Variants in APBA1 observed in about 807,000 individuals in gnomAD.
APBA1 encodes the protein amyloid beta precursor protein binding family A member 1.
APBA1 carries 55 observed loss-of-function variants against 86.6 expected under a neutral mutation model. The observed-to-expected ratio is 0.64, with a 90% confidence interval of 0.51 to 0.80. The LOEUF (loss-of-function observed/expected upper bound fraction) is 0.80. APBA1 is among the 30% of genes least tolerant of loss of function. The pLI is 0.00. For synonymous variants in APBA1, 511 were observed against 493.9 expected (o/e 1.03, Z -0.46); for missense variants, 1,090 against 1,183.0 (o/e 0.92, Z 1.15).
At chr9:69,559,520 G>A (rs1008475925) in intron 1 of APBA1, among the ~76,000 whole-genome samples, 1 of 152,156 alleles carries the variant, frequency 6.6e-6, no homozygotes, top group Non-Finnish European at 1.5e-5. Flanking sequence ...ACATGTTTGT[G>A]AGACTATTGT....
chr9:69,658,366 C>G (rs1823684183), intron 1 of APBA1, among the ~76,000 whole-genome samples: 3 of 143,032 alleles, frequency 2.1e-5, no homozygotes, highest in Non-Finnish European at 3.1e-5. Flanking sequence ...TTCTGTGTTT[C>G]TCTGTCTCTC....
At chr9:69,600,255 G>C (rs117343955) in intron 1 of APBA1, among the ~76,000 whole-genome samples, 1 of 152,156 alleles carries the variant, frequency 6.6e-6, no homozygotes, top group African/African-American at 2.4e-5. Context: ...TGGTGATGGC[G>C]ATTCTGCAGA....
chr9:69,550,972 T>C (rs1286786651), intron 1 of APBA1, among the ~76,000 whole-genome samples: 1 of 152,130 alleles, frequency 6.6e-6, no homozygotes, highest in Non-Finnish European at 1.5e-5. Context: ...TAAGTAAATA[T>C]ACATAAAATA....
intron 1 of APBA1, among the ~76,000 whole-genome samples, chr9:69,630,365 T>C (rs1823017957): frequency 6.6e-6 from 1 of 152,162 alleles, no homozygotes; most frequent in Non-Finnish European, 1.5e-5. Flanking sequence ...CCCTCTCTGC[T>C]ACATTGTTAT....
intron 1 of APBA1, among the ~76,000 whole-genome samples, chr9:69,624,325 G>A (rs1373747231): frequency 1.3e-5 from 2 of 152,134 alleles, no homozygotes; most frequent in Non-Finnish European, 2.9e-5. Flanking sequence ...ACTGTGCCAG[G>A]CAGTTTGCTC....
At chr9:69,511,690 C>T (rs1005793139) in intron 2 of APBA1, among the ~76,000 whole-genome samples, 9 of 151,840 alleles carry the variant, frequency 5.9e-5, no homozygotes, top group African/African-American at 1.2e-4. Flanking sequence ...CCAACAATGA[C>T]AGACTGGATT....
At chr9:69,521,358 A>G (rs1044715113) in intron 1 of APBA1, among the ~76,000 whole-genome samples, 3 of 152,192 alleles carry the variant, frequency 2.0e-5, no homozygotes, top group Non-Finnish European at 4.4e-5. Flanking sequence ...TATTCATGGC[A>G]TATTTTAACC....
chr9:69,458,037 A>G (rs1835128225), intron 6 of APBA1, 119 bp downstream of exon 6: 6 of 1,092,048 alleles, frequency 5.5e-6, no homozygotes, highest in South Asian at 1.8e-5. Flanking sequence ...TCAAAAAGAA[A>G]TCTGAACAAA....
chr9:69,610,653 G>A (rs1822568828), intron 1 of APBA1, among the ~76,000 whole-genome samples: 1 of 152,120 alleles, frequency 6.6e-6, no homozygotes, highest in African/African-American at 2.4e-5. Flanking sequence ...AATGGTGGGT[G>A]CTACATGGCC....
intron 1 of APBA1, among the ~76,000 whole-genome samples, chr9:69,643,145 C>A (rs1823322943): frequency 6.6e-6 from 1 of 152,036 alleles, no homozygotes; most frequent in Non-Finnish European, 1.5e-5. Flanking sequence ...AAATACTCTG[C>A]ACTTACATTT....
At chr9:69,518,646 G>T (rs1451925574) in intron 1 of APBA1, among the ~76,000 whole-genome samples, 1 of 152,076 alleles carries the variant, frequency 6.6e-6, no homozygotes, top group African/African-American at 2.4e-5. Context: ...GATCCCTATG[G>T]TAAATAGGCT....
intron 1 of APBA1, among the ~76,000 whole-genome samples, chr9:69,651,024 A>G (rs1823487687): frequency 6.6e-6 from 1 of 152,254 alleles, no homozygotes; most frequent in Non-Finnish European, 1.5e-5. Flanking sequence ...ATTTCTATCA[A>G]TAGGAGAATG....
intron 2 of APBA1, among the ~76,000 whole-genome samples, chr9:69,477,211 G>C (rs1408272209): frequency 6.6e-6 from 1 of 151,594 alleles, no homozygotes. Flanking sequence ...CTGAGGTACT[G>C]GGTTCATCTC....
intron 2 of APBA1, among the ~76,000 whole-genome samples, chr9:69,502,331 C>T (rs747631233): frequency 5.9e-5 from 9 of 152,014 alleles, no homozygotes; most frequent in Non-Finnish European, 1.3e-4. Flanking sequence ...ACAGGTGAAA[C>T]TCTAAAGACA....
chr9:69,523,548 CA>C (rs1220350679), intron 1 of APBA1, among the ~76,000 whole-genome samples: 43 of 135,100 alleles, frequency 3.2e-4, no homozygotes, highest in African/African-American at 1.1e-3. Context: ...CACACACACA[CA>C]CACACCCAAC....
rs1836174113 is a variant in APBA1 at position 69,517,063 on chromosome 9, G to A, written c.148C>T (p.Arg50Cys). ...TCGAGGGCTCGCCCGCGCTGGTGGC[G>A]GCCCACATAGTGCTGCTGCTGCGGC... ...QPPQQQHYVG[R>C]HQRGRALEDL... Residue 50 changes from arginine to cysteine, a missense_variant, in exon 2 of 13, where the codon CGC becomes TGC. Physicochemically the swap from Arg to Cys is radical, Grantham distance 180 (BLOSUM62 -3). This residue lies in a region of APBA1 where 678 missense variants were observed against 647.1 expected (regional missense o/e 1.05). Coordinates refer to ENST00000265381, the MANE Select transcript of APBA1 (RefSeq NM_001163.4). 1 of 1,584,124 alleles carries A rather than the reference G, an allele frequency of 6.3e-7. No individual in the cohort carries two copies. The highest frequency in any genetic ancestry group is 8.5e-7 in the Non-Finnish European group (1 of 1,171,218).
Position 69,467,898 on chromosome 9 carries a change from A to G in APBA1, c.1407T>C (p.Thr469=). ...AAGGAGTTTTGTCTGAGAGCAGCTG[A>G]GTGGAGCCAAGGTAATTGGCGGCAA... The part of the protein sequence containing the change: ...IIFAANYLGS[T]QLLSDKTPSK... The change falls in exon 5 of 13, where the codon ACT becomes ACC. Residue 469 remains threonine (T), a synonymous_variant. Coordinates refer to ENST00000265381, the MANE Select transcript of APBA1 (RefSeq NM_001163.4). The G allele has an allele frequency of 1.2e-6, 2 of 1,614,094 alleles. No homozygotes were observed. The highest frequency in any genetic ancestry group is 1.7e-6 in the Non-Finnish European group (2 of 1,180,016).
chr9:69,447,824 T>C (rs985386767), intron 10 of APBA1, among the ~76,000 whole-genome samples: 1 of 152,168 alleles, frequency 6.6e-6, no homozygotes, highest in Non-Finnish European at 1.5e-5. Flanking sequence ...CACACAGCAC[T>C]GAGCACTGTG....
chr9:69,460,504 C>T (rs1835172897), intron 5 of APBA1, among the ~76,000 whole-genome samples: 1 of 152,104 alleles, frequency 6.6e-6, no homozygotes, highest in African/African-American at 2.4e-5. Context: ...TTTACTTCTC[C>T]TGAAATGATA....
Sources: allele counts gnomAD v4.1 joint callset (sites outside exome capture counted in the v4.1 genomes callset), GRCh38; gene constraint gnomAD v4.1.1; regional missense constraint gnomAD v4.1.1; transcripts MANE v1.5; gene names NCBI Gene and HGNC (gene_info 2026-07-23, HGNC 2026-07-21).